SEMA3A: variants seen among roughly 807,000 people sequenced by gnomAD.
SEMA3A encodes semaphorin 3A.
A neutral mutation model predicts 97.9 loss-of-function variants in SEMA3A; 29 were observed. That is an observed-to-expected ratio of 0.30 (90% CI 0.22 to 0.40). The LOEUF (loss-of-function observed/expected upper bound fraction) is 0.40. Ranked by LOEUF, SEMA3A falls within the 10% of genes least tolerant of loss-of-function variation. The pLI is 1.00. For missense variants in SEMA3A, 763 were observed against 951.3 expected, an observed-to-expected ratio of 0.80 and a Z score of 2.60; for synonymous variants, 321 against 323.7, an observed-to-expected ratio of 0.99 and a Z score of 0.09.
At chr7:84,218,352 C>G (rs1467376330) in intron 3 of SEMA3A, among the ~76,000 whole-genome samples, 1 of 152,020 alleles carries the variant, frequency 6.6e-6, no homozygotes, top group Non-Finnish European at 1.5e-5. Context: ...GTACTTCAAT[C>G]TGGAAAGCTA....
intron 3 of SEMA3A, among the ~76,000 whole-genome samples, chr7:84,219,693 C>A (rs912401682): frequency 2.6e-5 from 4 of 152,162 alleles, no homozygotes; most frequent in African/African-American, 9.7e-5. Flanking sequence ...TCATCTCAGC[C>A]TTCAGCAACT....
At chr7:84,472,205 T>A (rs1038634499) in intron 1 of SEMA3A, among the ~76,000 whole-genome samples, 2 of 152,082 alleles carry the variant, frequency 1.3e-5, no homozygotes, top group African/African-American at 4.8e-5. Flanking sequence ...GTTCATGAAC[T>A]GAGGAAAAGT....
At chr7:84,376,267 T>A (rs1803095485) in intron 1 of SEMA3A, among the ~76,000 whole-genome samples, 1 of 152,196 alleles carries the variant, frequency 6.6e-6, no homozygotes, top group African/African-American at 2.4e-5. Flanking sequence ...ACTTTCACAC[T>A]GTTTTTTATG....
chr7:84,325,573 G>T (rs978133651), intron 2 of SEMA3A, among the ~76,000 whole-genome samples: 2 of 151,932 alleles, frequency 1.3e-5, no homozygotes, highest in African/African-American at 4.8e-5. Flanking sequence ...AGGTGGCAAA[G>T]GAGATCAGCG....
At chr7:84,272,320 G>A (rs2115707552) in intron 3 of SEMA3A, among the ~76,000 whole-genome samples, 1 of 152,070 alleles carries the variant, frequency 6.6e-6, no homozygotes, top group Non-Finnish European at 1.5e-5. Context: ...GACAATCAAG[G>A]ACATAAAACC....
chr7:84,055,360 C>A (rs933033973), intron 5 of SEMA3A, among the ~76,000 whole-genome samples: 1 of 152,308 alleles, frequency 6.6e-6, no homozygotes, highest in Non-Finnish European at 1.5e-5. Flanking sequence ...AGCGAGACTC[C>A]GTGGGCGTAG....
intron 1 of SEMA3A, among the ~76,000 whole-genome samples, chr7:84,395,491 G>C (rs558842183): frequency 4.4e-4 from 67 of 152,178 alleles, no homozygotes; most frequent in Admixed American, 4.3e-3. Flanking sequence ...ATTTGAATGA[G>C]GATTGATATG....
At chr7:84,477,438 C>CAAAAAAAAAAAAAAAAAAAAAAAAAAAA (rs11335984) in intron 1 of SEMA3A, among the ~76,000 whole-genome samples, 1 of 42,376 alleles carries the variant, frequency 2.4e-5, no homozygotes. Flanking sequence ...GACTCTGTCT[C>CAAAAAAAAAAAAAAAAAAAAAAAAAAAA]AAAAAAAAAA....
At chr7:84,342,089 G>T (rs1802185853) in intron 2 of SEMA3A, among the ~76,000 whole-genome samples, 2 of 151,882 alleles carry the variant, frequency 1.3e-5, no homozygotes, top group Non-Finnish European at 2.9e-5. Flanking sequence ...AGGCTGGAGT[G>T]CAATGGCACG....
At chr7:84,337,832 A>G (rs2115974224) in intron 2 of SEMA3A, among the ~76,000 whole-genome samples, 1 of 152,224 alleles carries the variant, frequency 6.6e-6, no homozygotes, top group Non-Finnish European at 1.5e-5. Context: ...AGCATTCTCA[A>G]AGAAAGAACA....
intron 2 of SEMA3A, among the ~76,000 whole-genome samples, chr7:84,368,039 C>T (rs1230483797): frequency 6.6e-6 from 1 of 151,088 alleles, no homozygotes; most frequent in Non-Finnish European, 1.5e-5. Flanking sequence ...GATGTTGTAA[C>T]TTGAGTATAT....
intron 1 of SEMA3A, among the ~76,000 whole-genome samples, chr7:84,152,010 T>G (rs1796687306): frequency 6.7e-6 from 1 of 149,500 alleles, no homozygotes; most frequent in Admixed American, 6.6e-5. Flanking sequence ...TCACACCAGT[T>G]AGAATGGCAA....
chr7:84,027,262 T>C (rs1791582147), intron 6 of SEMA3A, among the ~76,000 whole-genome samples: 1 of 152,204 alleles, frequency 6.6e-6, no homozygotes, highest in Non-Finnish European at 1.5e-5. Flanking sequence ...TATCCTCCTA[T>C]CTTACCACTT....
intron 3 of SEMA3A, among the ~76,000 whole-genome samples, chr7:84,234,198 T>G (rs184434034): frequency 4.6e-5 from 7 of 152,156 alleles, no homozygotes; most frequent in African/African-American, 1.7e-4. Flanking sequence ...TCTAGCTAAA[T>G]TCTGGATCTT....
intron 3 of SEMA3A, among the ~76,000 whole-genome samples, chr7:84,225,924 T>A (rs1798980187): frequency 6.6e-6 from 1 of 152,132 alleles, no homozygotes; most frequent in Non-Finnish European, 1.5e-5. Flanking sequence ...CAGTTGTGGA[T>A]GCCAAGTTTA....
intron 1 of SEMA3A, among the ~76,000 whole-genome samples, chr7:84,159,783 C>A (rs1796970009): frequency 6.6e-6 from 1 of 152,114 alleles, no homozygotes; most frequent in Non-Finnish European, 1.5e-5. Context: ...AATTTGAGGA[C>A]TGGAAAGATC....
upstream of SEMA3A, chr7:84,194,974 C>A (rs752137284): frequency 7.0e-5 from 11 of 156,436 alleles, no homozygotes; most frequent in Admixed American, 2.6e-4. Flanking sequence ...CTGCTTCATT[C>A]GGCTCCGGGG....
At chr7:84,060,322 C>T (rs973362033) in intron 5 of SEMA3A, 143 bp downstream of exon 5, 4 of 583,334 alleles carry the variant, frequency 6.9e-6, no homozygotes, top group Non-Finnish European at 6.0e-6. Context: ...TCTTCATTTT[C>T]AAACATTTGA....
chr7:84,284,986 C>T (rs1269198770), intron 3 of SEMA3A, among the ~76,000 whole-genome samples: 3 of 152,140 alleles, frequency 2.0e-5, no homozygotes, highest in African/African-American at 7.2e-5. Flanking sequence ...TGGACACCAA[C>T]AGGGAAAACA....
Sources: gnomAD v4.1 joint callset for allele counts (sites outside exome capture counted in the v4.1 genomes callset) on GRCh38, gnomAD v4.1.1 for gene constraint, MANE v1.5 for transcripts, NCBI Gene and HGNC (gene_info 2026-07-23, HGNC 2026-07-21) for gene names.